The following ADAMTSL1 variants were observed in gnomAD, a reference collection of about 807,000 sequenced individuals.
ADAMTSL1 encodes the protein ADAMTS like 1.
ADAMTSL1 carries 126 observed loss-of-function variants against 201.8 expected under a neutral mutation model. That is an observed-to-expected ratio of 0.62 (90% CI 0.54 to 0.72). The LOEUF (loss-of-function observed/expected upper bound fraction) is 0.72, where lower values mean the gene tolerates loss of function less well. ADAMTSL1 is among the 30% of genes least tolerant of loss of function. ADAMTSL1 has a pLI of 0.00. For missense variants in ADAMTSL1, 2,679 were observed against 2,277.8 expected, an observed-to-expected ratio of 1.18 and a Z score of -3.59; for synonymous variants, 1,121 against 903.4, an observed-to-expected ratio of 1.24 and a Z score of -4.32.
intron 2 of ADAMTSL1, among the ~76,000 whole-genome samples, chr9:18,241,469 G>C (rs760142338): frequency 3.3e-5 from 5 of 151,962 alleles, no homozygotes; most frequent in African/African-American, 4.8e-5. Context: ...TTTTGCAGTA[G>C]AGCCTTCCTT....
chr9:18,509,258 G>T (rs997433159), intron 2 of ADAMTSL1, among the ~76,000 whole-genome samples: 1 of 137,348 alleles, frequency 7.3e-6, no homozygotes, highest in South Asian at 2.5e-4. Context: ...TGGGATATGT[G>T]CTCAGCTTTA....
chr9:18,290,262 C>A lies in ADAMTSL1; in HGVS notation c.207+126281C>A, dbSNP rs59974482. On this transcript the variant is annotated intron_variant, in intron 2 of 29. Coordinates refer to the ADAMTSL1 transcript ENST00000680146. The stretch of plus-strand genomic sequence containing the variant: ...CTAGGTTGATCTTTTCCTTGAAAGC[C>A]GCTATGCCAGGGGATTAGATTTTTT... Among the ~76,000 whole-genome samples the A allele has an allele frequency of 5.6e-3, 840 of 150,536 alleles. 10 individuals carry two copies. Among genetic ancestry groups the A allele is most frequent in the African/African-American group, 0.019 (793 of 41,094 alleles).
chr9:18,400,030 C>T (rs188216097), intron 2 of ADAMTSL1, among the ~76,000 whole-genome samples: 26 of 150,540 alleles, frequency 1.7e-4, no homozygotes, highest in Admixed American at 9.4e-4. Context: ...TTGATGAGTG[C>T]TTTACTTTCC....
At chr9:17,936,675 C>T (rs1827021999) in intron 1 of ADAMTSL1, among the ~76,000 whole-genome samples, 1 of 152,156 alleles carries the variant, frequency 6.6e-6, no homozygotes, top group Non-Finnish European at 1.5e-5. Flanking sequence ...TTTCCCACCA[C>T]ACAGGAATAC....
At position 18,777,175 on chromosome 9, in the gene ADAMTSL1, G is replaced by T; in HGVS notation, c.2946G>T (p.Ala982=). 6.2e-7 allele frequency: 1 copy of T among 1,612,878 alleles called. No homozygotes were observed. ...LSPRSEEEVL[A]GRKGGPKEAL... is the part of the protein sequence containing the mutation. Reference sequence around the variant, plus strand: ...CGAGAAGTGAGGAAGAGGTGCTTGCGGGGAGGAAGGGCGGCCCGAAGGAGG... The same window carrying T: ...CGAGAAGTGAGGAAGAGGTGCTTGCTGGGAGGAAGGGCGGCCCGAAGGAGG... Residue 982 remains alanine, a synonymous_variant, in exon 19 of 29, where the codon GCG becomes GCT. Coordinates refer to ENST00000380548, the MANE Select transcript of ADAMTSL1 (RefSeq NM_001040272.6).
chr9:18,825,135 T>C (rs1311275427), intron 21 of ADAMTSL1, among the ~76,000 whole-genome samples: 1 of 152,068 alleles, frequency 6.6e-6, no homozygotes, highest in African/African-American at 2.4e-5. Context: ...GTGCCACATA[T>C]CTTCAGTCTC....
chr9:17,948,327 C>A (rs1268839273), intron 1 of ADAMTSL1, among the ~76,000 whole-genome samples: 1 of 152,098 alleles, frequency 6.6e-6, no homozygotes, highest in Admixed American at 6.6e-5. Flanking sequence ...TTACAAATAC[C>A]AAATGTGTGC....
chr9:18,596,708 T>G (rs1396481398), intron 4 of ADAMTSL1, among the ~76,000 whole-genome samples: 1 of 152,212 alleles, frequency 6.6e-6, no homozygotes, highest in African/African-American at 2.4e-5. Flanking sequence ...GATTTTGTAT[T>G]GTTGATTTAT....
At chr9:18,031,414 G>A (rs1352340329) in intron 1 of ADAMTSL1, among the ~76,000 whole-genome samples, 1 of 152,080 alleles carries the variant, frequency 6.6e-6, no homozygotes, top group Non-Finnish European at 1.5e-5. Flanking sequence ...GAGTGCTGAG[G>A]CTGTGTTTGG....
intron 1 of ADAMTSL1, among the ~76,000 whole-genome samples, chr9:17,921,538 A>G (rs571111712): frequency 2.0e-4 from 30 of 152,216 alleles, no homozygotes; most frequent in Non-Finnish European, 3.7e-4. Context: ...ACTGGAAGTT[A>G]GCACTATTTA....
At chr9:18,798,239 A>G (rs1822556360) in intron 20 of ADAMTSL1, among the ~76,000 whole-genome samples, 1 of 152,214 alleles carries the variant, frequency 6.6e-6, no homozygotes, top group Admixed American at 6.5e-5. Context: ...AAGCAGGCAT[A>G]GCATGGCAGT....
chr9:18,786,908 A>T (rs73419073), intron 19 of ADAMTSL1, among the ~76,000 whole-genome samples: 1 of 152,318 alleles, frequency 6.6e-6, no homozygotes, highest in African/African-American at 2.4e-5. Context: ...GTGGTGCTGA[A>T]TAGGAGATGA....
chr9:18,569,341 T>C (rs1190706625), intron 3 of ADAMTSL1, among the ~76,000 whole-genome samples: 2 of 152,198 alleles, frequency 1.3e-5, no homozygotes, highest in African/African-American at 4.8e-5. Context: ...ACGGTTAGAA[T>C]TGAGTGCTTA....
chr9:17,920,926 T>C (rs1826275222), intron 1 of ADAMTSL1, among the ~76,000 whole-genome samples: 1 of 152,232 alleles, frequency 6.6e-6, no homozygotes, highest in Non-Finnish European at 1.5e-5. Context: ...CAGACCCCTG[T>C]GCTAAAGTTT....
intron 1 of ADAMTSL1, among the ~76,000 whole-genome samples, chr9:18,106,939 T>C (rs1824787094): frequency 6.6e-6 from 1 of 152,180 alleles, no homozygotes; most frequent in East Asian, 1.9e-4. Flanking sequence ...CACAGATATC[T>C]GGCAATTCCC....
In ADAMTSL1 at chr9:18,568,379, A is replaced by C. The variant is rs547664488; in HGVS notation, c.238-5651A>C. Reference sequence around the variant, plus strand: ...GTGCTAAAAGATTCGAAAGCTTTAGAGGATATATTTTCCAGAACATTTATC... The same window carrying C: ...GTGCTAAAAGATTCGAAAGCTTTAGCGGATATATTTTCCAGAACATTTATC... On this transcript the variant is annotated intron_variant, in intron 3 of 28. Transcript: ENST00000380548. Among the ~76,000 whole-genome samples, 292 of 152,318 alleles carry C rather than the reference A, an allele frequency of 1.9e-3. 2 individuals carry two copies. Among genetic ancestry groups the C allele is most frequent in the Non-Finnish European group, 3.8e-3 (257 of 68,010 alleles).
At chr9:18,709,731 G>C (rs1368788747) in intron 14 of ADAMTSL1, among the ~76,000 whole-genome samples, 3 of 152,150 alleles carry the variant, frequency 2.0e-5, no homozygotes, top group African/African-American at 7.2e-5. Flanking sequence ...TCCCACATGT[G>C]AACTGATAGG....
chr9:18,903,165 A>G (rs1170274771), intron 26 of ADAMTSL1, among the ~76,000 whole-genome samples: 1 of 152,230 alleles, frequency 6.6e-6, no homozygotes, highest in Non-Finnish European at 1.5e-5. Context: ...AGATCACACC[A>G]CTGCATTCCA....
Position 18,910,205 on chromosome 9 carries a change from C to T in ADAMTSL1, c.*1657C>T, listed in dbSNP as rs574563910. The T allele has an allele frequency of 2.6e-4, 40 of 152,240 alleles. No individual in the cohort carries two copies. Among genetic ancestry groups the T allele is most frequent in the African/African-American group, 8.7e-4 (36 of 41,522 alleles). 9.4% of individuals were successfully genotyped at this position (152,240 alleles called of 1,614,324 possible). ...TGTGGACAGGTTTAAGTTGGGTCTC[C>T]TTCTTCTTCACCACAAAAACAGGCT... On this transcript the variant is annotated 3_prime_UTR_variant, in exon 29 of 29. Coordinates refer to ENST00000380548, the MANE Select transcript of ADAMTSL1 (RefSeq NM_001040272.6).
Sources: gnomAD v4.1 joint callset for allele counts (sites outside exome capture counted in the v4.1 genomes callset) on GRCh38, gnomAD v4.1.1 for gene constraint, MANE v1.5 for transcripts, NCBI Gene and HGNC (gene_info 2026-07-23, HGNC 2026-07-21) for gene names.